The following KCNMA1 variants were observed in gnomAD, a reference collection of about 807,000 sequenced individuals.
KCNMA1 encodes potassium calcium-activated channel subfamily M alpha 1.
Under a neutral mutation model 140.0 loss-of-function variants are expected in KCNMA1, and 29 were observed. The ratio of observed to expected loss-of-function variants is 0.21; its 90% CI spans 0.15 to 0.28. The LOEUF is 0.28. KCNMA1 is among the 10% of genes least tolerant of loss of function. KCNMA1 has a pLI of 1.00. For missense variants in KCNMA1, 880 were observed against 1,602.2 expected (o/e 0.55, Z 7.70); for synonymous variants, 612 against 611.9 (o/e 1.00, Z 0.00).
chr10:76,982,879 T>C (rs1459874884), intron 19 of KCNMA1, among the ~76,000 whole-genome samples: 1 of 152,178 alleles, frequency 6.6e-6, no homozygotes, highest in Non-Finnish European at 1.5e-5. Flanking sequence ...AACTGTCCAG[T>C]TCCATTGAAG....
At position 76,885,978 on chromosome 10, in the gene KCNMA1, T is replaced by A. The variant is rs78082918; in HGVS notation, c.*1288A>T. ...CATTACCCTGCCTAAATTGGCTACA[T>A]TAAAGAAAGTGATGATGAGGAATTC... On this transcript the variant is annotated 3_prime_UTR_variant, in exon 28 of 28. Coordinates refer to ENST00000286628, the MANE Select transcript of KCNMA1 (RefSeq NM_001161352.2). The A allele has an allele frequency of 1.9e-3, 1,865 of 985,414 alleles. 32 individuals are homozygous for A. The African/African-American group carries it at 0.029, about 15-fold the overall frequency. 61.0% of individuals were successfully genotyped at this position (985,414 alleles called of 1,614,324 possible).
At chr10:77,420,106 A>G (rs997865552) in intron 1 of KCNMA1, among the ~76,000 whole-genome samples, 1 of 152,230 alleles carries the variant, frequency 6.6e-6, no homozygotes, top group Non-Finnish European at 1.5e-5. Context: ...CCATCAGTGA[A>G]AGAGTGGGTC....
chr10:77,061,452 T>C (rs2095747351), intron 14 of KCNMA1, among the ~76,000 whole-genome samples: 2 of 152,144 alleles, frequency 1.3e-5, no homozygotes, highest in East Asian at 1.9e-4. Flanking sequence ...CACAATGAGA[T>C]ACCACACTGC....
chr10:77,444,956 A>T (rs942081735), intron 1 of KCNMA1, among the ~76,000 whole-genome samples: 7 of 152,320 alleles, frequency 4.6e-5, no homozygotes, highest in African/African-American at 1.7e-4. Flanking sequence ...GAGGCAGGAC[A>T]TAAAGAACTA....
chr10:76,914,327 C>T (rs2051735025), intron 24 of KCNMA1: 3 of 575,842 alleles, frequency 5.2e-6, no homozygotes, highest in Non-Finnish European at 6.2e-6. Flanking sequence ...ACAGGGAGTG[C>T]CATGGCCAGG....
At chr10:77,284,703 G>A (rs2154299993) in intron 2 of KCNMA1, among the ~76,000 whole-genome samples, 1 of 152,036 alleles carries the variant, frequency 6.6e-6, no homozygotes, top group East Asian at 1.9e-4. Context: ...TAGTAGAGAT[G>A]GGGTTTCACC....
At chr10:77,326,035 G>A (rs2154360445) in intron 2 of KCNMA1, among the ~76,000 whole-genome samples, 2 of 152,278 alleles carry the variant, frequency 1.3e-5, no homozygotes, top group East Asian at 3.9e-4. Context: ...CAGGAACCAT[G>A]CCTCTTACCT....
At chr10:77,242,651 T>C (rs894896513) in intron 3 of KCNMA1, among the ~76,000 whole-genome samples, 1 of 152,168 alleles carries the variant, frequency 6.6e-6, no homozygotes, top group Non-Finnish European at 1.5e-5. Flanking sequence ...TAAAAATATG[T>C]ATAATTTAAA....
intron 18 of KCNMA1, chr10:77,008,301 C>T (rs2089714815): frequency 2.3e-5 from 25 of 1,102,096 alleles, no homozygotes; most frequent in Middle Eastern, 2.1e-4. Flanking sequence ...AAAATTCCTT[C>T]AAACACATCA....
intron 1 of KCNMA1, among the ~76,000 whole-genome samples, chr10:77,417,729 G>A (rs374618577): frequency 5.8e-4 from 88 of 152,276 alleles, no homozygotes; most frequent in Non-Finnish European, 1.0e-3. Flanking sequence ...ACATGTTCCC[G>A]CTTCTTCCAT....
chr10:77,251,875 T>C (rs187714931), intron 2 of KCNMA1, among the ~76,000 whole-genome samples: 1 of 152,302 alleles, frequency 6.6e-6, no homozygotes, highest in Admixed American at 6.5e-5. Flanking sequence ...CTACTTTCTG[T>C]CACTACATAA....
At chr10:76,892,254 A>C (rs2040447710) in intron 25 of KCNMA1, among the ~76,000 whole-genome samples, 2 of 152,174 alleles carry the variant, frequency 1.3e-5, no homozygotes, top group Non-Finnish European at 2.9e-5. Context: ...CGATCAATTA[A>C]ATATGCCGGA....
chr10:77,331,423 G>C (rs763704722), intron 2 of KCNMA1, among the ~76,000 whole-genome samples: 1 of 152,140 alleles, frequency 6.6e-6, no homozygotes, highest in Non-Finnish European at 1.5e-5. Context: ...TGAGTAGGTA[G>C]AGCCAGTAAG....
intron 2 of KCNMA1, among the ~76,000 whole-genome samples, chr10:77,293,739 T>A (rs1013240697): frequency 1.3e-5 from 2 of 152,212 alleles, no homozygotes; most frequent in Non-Finnish European, 2.9e-5. Flanking sequence ...CTTTCTCATG[T>A]CCTCAAAGTG....
intron 2 of KCNMA1, among the ~76,000 whole-genome samples, chr10:77,305,540 G>A (rs892732481): frequency 1.3e-5 from 2 of 152,112 alleles, no homozygotes; most frequent in South Asian, 4.2e-4. Flanking sequence ...GTTCTCAGAG[G>A]GGAGCTCTCT....
intron 20 of KCNMA1, 56 bp from the exon 21 acceptor site, chr10:76,953,980 A>C: frequency 6.3e-7 from 1 of 1,586,034 alleles, no homozygotes; most frequent in South Asian, 1.1e-5. Flanking sequence ...TTATAAATGG[A>C]AAGTGCCCCC....
intron 1 of KCNMA1, among the ~76,000 whole-genome samples, chr10:77,446,085 TCTCTCC>T (rs2097524434): frequency 6.6e-6 from 1 of 150,642 alleles, no homozygotes; most frequent in African/African-American, 2.5e-5. Flanking sequence ...CCCTGAAACC[TCTCTCC>T]CTGAAACCTC....
chr10:76,949,060 G>T, intron 22 of KCNMA1, 82 bp downstream of exon 22: 1 of 1,116,350 alleles, frequency 9.0e-7, no homozygotes, highest in Non-Finnish European at 1.4e-6. Flanking sequence ...CATGATCAAA[G>T]CTACAACTAT....
chr10:77,100,867 A>G (rs1294616002), intron 9 of KCNMA1, among the ~76,000 whole-genome samples: 2 of 152,198 alleles, frequency 1.3e-5, no homozygotes, highest in Non-Finnish European at 1.5e-5. Context: ...TTTTAATGGA[A>G]GAAAGAATAT....
Sources: allele counts gnomAD v4.1 joint callset (sites outside exome capture counted in the v4.1 genomes callset), GRCh38; gene constraint gnomAD v4.1.1; transcripts MANE v1.5; gene names NCBI Gene and HGNC (gene_info 2026-07-23, HGNC 2026-07-21).